The following ABCA13 variants were observed in gnomAD, a reference collection of about 807,000 sequenced individuals.
ABCA13 encodes the protein ATP-binding cassette sub-family A member 13.
In ABCA13, 476 loss-of-function variants were observed where a neutral mutation model predicts 478.7. The ratio of observed to expected loss-of-function variants is 0.99; its 90% CI spans 0.92 to 1.07. The LOEUF is 1.07. ABCA13 is among the 50% of genes least tolerant of loss of function. ABCA13 has a pLI of 0.00. For missense variants in ABCA13, 6,060 were observed against 5,910.6 expected (o/e 1.03, Z -0.83); for synonymous variants, 2,252 against 2,158.9 (o/e 1.04, Z -1.20).
Position 48,288,040 on chromosome 7 carries a change from G to A in ABCA13, c.8917G>A (p.Ala2973Thr), listed in dbSNP as rs376098372. ...TGGGATAAGGCATCTCATTTTATCT[G>A]CTATACAAGGGGTCACTTTGGCGCA... ...QNGIRHLILSAIQGVTLAQDH... is the reference protein window; with the variant it reads ...QNGIRHLILSTIQGVTLAQDH... The change falls in exon 20 of 62, where the codon GCT becomes ACT. Residue 2973 changes from alanine (A) to threonine (T), a missense_variant. This residue lies in a region of ABCA13 where 4,423 missense variants were observed against 4,309.1 expected (regional missense o/e 1.03). Transcript: ENST00000435803. 1.2e-6 allele frequency: 2 copies of A among 1,613,944 alleles called. No homozygotes were observed. The highest frequency in any genetic ancestry group is 8.5e-7 in the Non-Finnish European group (1 of 1,179,862).
intron 8 of ABCA13, 129 bp from the exon 9 acceptor site, chr7:48,239,112 C>A: frequency 2.2e-6 from 2 of 925,710 alleles, no homozygotes; most frequent in Non-Finnish European, 3.2e-6. Context: ...ACATAGATAT[C>A]ATCACTTACT....
chr7:48,404,103 G>A (rs150849561), intron 39 of ABCA13: 283 of 542,268 alleles, frequency 5.2e-4, no homozygotes, highest in Admixed American at 2.3e-3. Flanking sequence ...CTCAATAACA[G>A]CAATGACATC....
At chr7:48,446,205 A>G (rs1824276387) in intron 42 of ABCA13, among the ~76,000 whole-genome samples, 2 of 152,106 alleles carry the variant, frequency 1.3e-5, no homozygotes, top group South Asian at 4.1e-4. Context: ...AGACCTAGAC[A>G]TTTACATTAA....
At chr7:48,226,680 T>C (rs1342744595) in intron 5 of ABCA13, among the ~76,000 whole-genome samples, 1 of 152,094 alleles carries the variant, frequency 6.6e-6, no homozygotes, top group Non-Finnish European at 1.5e-5. Context: ...AGGGAGAGCA[T>C]GCGGGCTCAG....
rs76332230 is a variant in ABCA13 at position 48,460,466 on chromosome 7, C to T, written c.12815+5180C>T. Among the ~76,000 whole-genome samples the T allele has an allele frequency of 8.5e-3, 1,287 of 152,264 alleles. 10 individuals are homozygous for T. Among genetic ancestry groups the T allele is most frequent in the Non-Finnish European group, 0.014 (923 of 68,022 alleles). ...CACTCCAGTCTCAGCCTCCTGTCTTCATGTGGCCTTCCTCCTGCATGTCTC... is the reference window on the plus strand; with the variant it reads ...CACTCCAGTCTCAGCCTCCTGTCTTTATGTGGCCTTCCTCCTGCATGTCTC... On this transcript the variant is annotated intron_variant, in intron 43 of 61. Coordinates refer to ENST00000435803, the MANE Select transcript of ABCA13 (RefSeq NM_152701.5).
rs776885253 is a variant in ABCA13, at chr7:48,352,212, G to GAACTTCAGATCAGAGTCTGACA, written c.10432_10433insACAAACTTCAGATCAGAGTCTG (p.Val3478AspfsTer46). On this transcript the variant is annotated frameshift_variant, in exon 31 of 62. Coordinates refer to ENST00000435803, the MANE Select transcript of ABCA13 (RefSeq NM_152701.5). LOFTEE classifies it high-confidence loss of function. ...TTTTCAGCAATTCCTTATTCGACAAGAACTTCAGATCAGAGTCTGTCAAAC... is the reference window on the plus strand; with the variant it reads ...TTTTCAGCAATTCCTTATTCGACAAGAACTTCAGATCAGAGTCTGACAAACTTCAGATCAGAGTCTGTCAAAC... 10 of 1,606,152 alleles carry GAACTTCAGATCAGAGTCTGACA rather than the reference G, an allele frequency of 6.2e-6. No individual in the cohort carries two copies. The South Asian group carries it at 1.1e-4, about 18-fold the overall frequency.
intron 20 of ABCA13, among the ~76,000 whole-genome samples, chr7:48,290,840 A>T (rs80189475): frequency 0.024 from 3,429 of 143,630 alleles, 132 homozygotes; most frequent in African/African-American, 0.082. Context: ...TTCTGCATTG[A>T]TATGCTACAA....
At chr7:48,615,258 A>C in intron 58 of ABCA13, 27 bp from the exon 59 acceptor site, 1 of 1,308,102 alleles carries the variant, frequency 7.6e-7, no homozygotes, top group Non-Finnish European at 1.0e-6. Flanking sequence ...GAAATGGCTC[A>C]TTTTTGTCTC....
At chr7:48,378,764 A>T (rs1813884326) in intron 35 of ABCA13, among the ~76,000 whole-genome samples, 1 of 152,184 alleles carries the variant, frequency 6.6e-6, no homozygotes, top group Admixed American at 6.5e-5. Context: ...TTACTTCACA[A>T]GTCTCCCTTA....
intron 57 of ABCA13, among the ~76,000 whole-genome samples, chr7:48,593,729 T>TC (rs1789998635): frequency 6.7e-6 from 1 of 149,350 alleles, no homozygotes; most frequent in Non-Finnish European, 1.5e-5. Context: ...TTGGGAGCAT[T>TC]TTTTTTTTTA....
chr7:48,198,851 T>C (rs1282036026), intron 3 of ABCA13, among the ~76,000 whole-genome samples: 1 of 152,230 alleles, frequency 6.6e-6, no homozygotes, highest in African/African-American at 2.4e-5. Context: ...TTAAGTTGCC[T>C]TCTCTGAGTC....
Position 48,372,409 on chromosome 7 carries a change from C to T in ABCA13, c.11045C>T (p.Thr3682Ile). The change falls in exon 33 of 62, where the codon ACC (threonine) becomes ATC (isoleucine). Residue 3682 changes from threonine to isoleucine, a missense_variant. Thr to Ile is a moderately conservative substitution (Grantham distance 89). Around this residue, in one of 3 missense-constraint regions of ABCA13, gnomAD observed 4,423 missense variants for 4,309.1 expected, o/e 1.03. Coordinates refer to ENST00000435803, the MANE Select transcript of ABCA13 (RefSeq NM_152701.5). ...FSQANTAALC[T>I]SLVYMISFLP... The stretch of plus-strand genomic sequence containing the variant: ...CAAGCTAATACAGCGGCCCTTTGTA[C>T]CAGCCTGGTGTACATGATCAGCTTT... 6.2e-7 allele frequency: 1 copy of T among 1,613,756 alleles called. No individual in the cohort carries two copies. The highest frequency in any genetic ancestry group is 8.5e-7 in the Non-Finnish European group (1 of 1,179,864).
At chr7:48,575,360 G>C (rs2131340689) in intron 55 of ABCA13, among the ~76,000 whole-genome samples, 1 of 152,186 alleles carries the variant, frequency 6.6e-6, no homozygotes, top group East Asian at 1.9e-4. Flanking sequence ...AAAATTTTAT[G>C]ACATAAGTGT....
chr7:48,277,193 T>A (rs1165264697), intron 17 of ABCA13, among the ~76,000 whole-genome samples: 1 of 152,158 alleles, frequency 6.6e-6, no homozygotes, highest in Non-Finnish European at 1.5e-5. Context: ...GCTGAGTAAG[T>A]CTGCAATCAG....
intron 55 of ABCA13, among the ~76,000 whole-genome samples, chr7:48,569,965 T>G (rs1162916891): frequency 2.0e-5 from 3 of 152,210 alleles, no homozygotes; most frequent in Non-Finnish European, 4.4e-5. Flanking sequence ...TATAGTCTCT[T>G]AGGTCTAGTT....
chr7:48,584,686 C>A (rs1359351976), intron 56 of ABCA13, among the ~76,000 whole-genome samples: 1 of 152,186 alleles, frequency 6.6e-6, no homozygotes, highest in Admixed American at 6.5e-5. Context: ...TTTTGTTAAT[C>A]TTTCACAAAT....
At chr7:48,494,424 G>A (rs1397579566) in intron 48 of ABCA13, among the ~76,000 whole-genome samples, 2 of 151,854 alleles carry the variant, frequency 1.3e-5, no homozygotes, top group African/African-American at 4.9e-5. Context: ...GAGAGCTTTG[G>A]GTATATTTGA....
At chr7:48,414,124 C>A (rs1307207726) in intron 41 of ABCA13, among the ~76,000 whole-genome samples, 1 of 152,192 alleles carries the variant, frequency 6.6e-6, no homozygotes. Context: ...TGAATAGGAG[C>A]TGTTTTCTAA....
intron 31 of ABCA13, among the ~76,000 whole-genome samples, chr7:48,367,500 G>A (rs979855552): frequency 3.3e-5 from 5 of 152,204 alleles, no homozygotes; most frequent in Admixed American, 6.5e-5. Context: ...TTAATGACCT[G>A]CTTTGCTCCA....
Sources: allele counts gnomAD v4.1 joint callset (sites outside exome capture counted in the v4.1 genomes callset), GRCh38; gene constraint gnomAD v4.1.1; regional missense constraint gnomAD v4.1.1; transcripts MANE v1.5; gene names NCBI Gene and HGNC (gene_info 2026-07-23, HGNC 2026-07-21).